The following PLCB4 variants were observed in gnomAD, a reference collection of about 807,000 sequenced individuals.
PLCB4 encodes the protein 1-phosphatidylinositol 4,5-bisphosphate phosphodiesterase beta-4.
A neutral mutation model predicts 178.8 loss-of-function variants in PLCB4; 77 were observed. The ratio of observed to expected loss-of-function variants is 0.43; its 90% CI spans 0.36 to 0.52. The LOEUF is 0.52. Ranked by LOEUF, PLCB4 falls within the 20% of genes least tolerant of loss-of-function variation. The pLI, the probability that PLCB4 is intolerant of heterozygous loss-of-function variation, is 0.00. For synonymous variants in PLCB4, 496 were observed against 490.8 expected, an observed-to-expected ratio of 1.01 and a Z score of -0.14; for missense variants, 1,024 against 1,453.4, an observed-to-expected ratio of 0.70 and a Z score of 4.80.
rs2094433467 is a variant in PLCB4 at position 9,274,352 on chromosome 20, ATTGCAATACCAATCCC to A, written c.-15-33445_-15-33430del. Among the ~76,000 whole-genome samples, 4 of 152,064 alleles carry A rather than the reference ATTGCAATACCAATCCC, an allele frequency of 2.6e-5. No individual in the cohort carries two copies. The South Asian group carries it at 8.3e-4, about 32-fold the overall frequency. On this transcript the variant is annotated intron_variant, in intron 3 of 39. Transcript: ENST00000378473. ...CTTTCTTGTATGTCATCTCTTAAAA[ATTGCAATACCAATCCC>A]TTTAAGTTGCCGTAAAAAAGAGAGG...
In PLCB4 at chr20:9,244,689, T is replaced by A. The variant is rs560727962; in HGVS notation, c.-16+27237T>A. ...TAAGTAAAGAGTGTTTAGGTGGACTTTTTTTGTTGTTTTGCTGAAAAGTTT... is the reference window on the plus strand; with the variant it reads ...TAAGTAAAGAGTGTTTAGGTGGACTATTTTTGTTGTTTTGCTGAAAAGTTT... On this transcript the variant is annotated intron_variant, in intron 3 of 39. Coordinates refer to ENST00000378473, the MANE Select transcript of PLCB4 (RefSeq NM_001377142.1). 9.2e-5 allele frequency among the ~76,000 whole-genome samples: 14 copies of A among 152,306 alleles called. No homozygotes were observed. The East Asian group carries it at 2.7e-3, about 29-fold the overall frequency.
chr20:9,093,849 G>A (rs1464268048), intron 1 of PLCB4, among the ~76,000 whole-genome samples: 1 of 152,050 alleles, frequency 6.6e-6, no homozygotes, highest in Non-Finnish European at 1.5e-5. Context: ...CCTGCTTGTT[G>A]TGAGAGCTCA....
chr20:9,107,512 G>A (rs1252380774), intron 2 of PLCB4, among the ~76,000 whole-genome samples: 2 of 152,106 alleles, frequency 1.3e-5, no homozygotes, highest in African/African-American at 4.8e-5. Flanking sequence ...TCATCTGTGG[G>A]GGGCGACCTC....
chr20:9,099,099 ATAC>A (rs1454571145), intron 2 of PLCB4, among the ~76,000 whole-genome samples: 1 of 152,168 alleles, frequency 6.6e-6, no homozygotes, highest in South Asian at 2.1e-4. Flanking sequence ...ACTACCATTT[ATAC>A]TACTATTATA....
intron 35 of PLCB4, among the ~76,000 whole-genome samples, chr20:9,460,697 A>G (rs1049864258): frequency 2.6e-5 from 4 of 152,344 alleles, no homozygotes; most frequent in South Asian, 2.1e-4. Flanking sequence ...TTGAGACACA[A>G]CAAGAGTAGA....
At chr20:9,396,446 A>G (rs1936030189) in intron 19 of PLCB4, among the ~76,000 whole-genome samples, 1 of 152,250 alleles carries the variant, frequency 6.6e-6, no homozygotes, top group Non-Finnish European at 1.5e-5. Context: ...TAATTTTAAG[A>G]AGGCAGTCTT....
At chr20:9,320,673 C>A (rs1384605983) in intron 4 of PLCB4, among the ~76,000 whole-genome samples, 1 of 152,156 alleles carries the variant, frequency 6.6e-6, no homozygotes, top group Non-Finnish European at 1.5e-5. Context: ...CTTCCTTTTG[C>A]AGTTTACAAA....
chr20:9,388,667 A>T (rs928635527), intron 15 of PLCB4, among the ~76,000 whole-genome samples: 2 of 152,196 alleles, frequency 1.3e-5, no homozygotes, highest in Admixed American at 6.5e-5. Flanking sequence ...AAACCAGATC[A>T]TGCCATTGCT....
intron 2 of PLCB4, among the ~76,000 whole-genome samples, chr20:9,161,439 C>T (rs745872471): frequency 3.3e-5 from 5 of 152,174 alleles, no homozygotes; most frequent in Non-Finnish European, 5.9e-5. Flanking sequence ...AAAATCAAAT[C>T]GCTCTGATGC....
chr20:9,202,646 A>T (rs1199067926), intron 2 of PLCB4, among the ~76,000 whole-genome samples: 1 of 152,130 alleles, frequency 6.6e-6, no homozygotes, highest in East Asian at 1.9e-4. Context: ...CCTTAGAGGG[A>T]CCTTGCCAGC....
At chr20:9,247,204 G>C (rs2094134932) in intron 3 of PLCB4, among the ~76,000 whole-genome samples, 1 of 152,182 alleles carries the variant, frequency 6.6e-6, no homozygotes, top group Non-Finnish European at 1.5e-5. Flanking sequence ...ATTTTAATGA[G>C]AGGTAGTATA....
intron 33 of PLCB4, among the ~76,000 whole-genome samples, chr20:9,455,010 T>C (rs1032257509): frequency 1.3e-5 from 2 of 152,204 alleles, no homozygotes; most frequent in Non-Finnish European, 2.9e-5. Context: ...TCGGAGCTCA[T>C]GTGGCAATAT....
intron 28 of PLCB4, among the ~76,000 whole-genome samples, chr20:9,427,150 G>T (rs2041075201): frequency 6.6e-6 from 1 of 152,116 alleles, no homozygotes; most frequent in South Asian, 2.1e-4. Flanking sequence ...GATTGTACCT[G>T]GGAGGCAGAG....
chr20:9,351,024 C>T (rs1245614708), intron 7 of PLCB4, among the ~76,000 whole-genome samples: 3 of 152,032 alleles, frequency 2.0e-5, no homozygotes, highest in African/African-American at 4.8e-5. Context: ...GAATTAGTGG[C>T]CTGAAAAAAG....
chr20:9,314,538 AG>A (rs1159212057), intron 4 of PLCB4, among the ~76,000 whole-genome samples: 1 of 152,148 alleles, frequency 6.6e-6, no homozygotes, highest in East Asian at 1.9e-4. Context: ...ATGCCAGAGA[AG>A]GGGGTACATG....
At chr20:9,179,895 A>G (rs2093217560) in intron 2 of PLCB4, among the ~76,000 whole-genome samples, 1 of 152,210 alleles carries the variant, frequency 6.6e-6, no homozygotes, top group South Asian at 2.1e-4. Flanking sequence ...ATAAAATGAA[A>G]GAAACAAAAC....
At chr20:9,147,601 A>G (rs1009631201) in intron 2 of PLCB4, among the ~76,000 whole-genome samples, 3 of 152,068 alleles carry the variant, frequency 2.0e-5, no homozygotes, top group African/African-American at 4.8e-5. Flanking sequence ...AGGGTGGCAT[A>G]GCTAACATCT....
rs572798475 is a variant in PLCB4 at position 9,137,612 on chromosome 20, G to T, written c.-79+41270G>T. The stretch of plus-strand genomic sequence containing the variant: ...AATTTGTAATTCAAAGAAATAGAAG[G>T]GTGAAATGGATCTATCCATCTGGAA... On this transcript the variant is annotated intron_variant, in intron 2 of 39. Transcript: ENST00000378473. 3.9e-5 allele frequency among the ~76,000 whole-genome samples: 6 copies of T among 152,148 alleles called. No homozygotes were observed. In the East Asian group the frequency reaches 1.2e-3, roughly 30 times the overall value.
chr20:9,345,798 C>A (rs1411548380), intron 7 of PLCB4, among the ~76,000 whole-genome samples: 1 of 152,064 alleles, frequency 6.6e-6, no homozygotes, highest in Non-Finnish European at 1.5e-5. Context: ...ATTATGTATT[C>A]TTTTGTGTAC....
Sources: allele counts gnomAD v4.1 joint callset (sites outside exome capture counted in the v4.1 genomes callset), GRCh38; gene constraint gnomAD v4.1.1; transcripts MANE v1.5; gene names NCBI Gene and HGNC (gene_info 2026-07-23, HGNC 2026-07-21).